STX8: variants seen among roughly 807,000 people sequenced by gnomAD.
STX8 encodes the protein syntaxin-8.
STX8 carries 23 observed loss-of-function variants against 37.5 expected under a neutral mutation model. That is an observed-to-expected ratio of 0.61 (90% CI 0.44 to 0.87). STX8 has a LOEUF of 0.87. Ranked by LOEUF, STX8 falls within the 40% of genes least tolerant of loss-of-function variation. STX8 has a pLI of 0.00. For missense variants in STX8, 313 were observed against 284.7 expected (o/e 1.10, Z -0.71); for synonymous variants, 115 against 99.1 (o/e 1.16, Z -0.95).
chr17:9,381,620 A>AT (rs1555603423), intron 6 of STX8, among the ~76,000 whole-genome samples: 1 of 152,202 alleles, frequency 6.6e-6, no homozygotes. Context: ...ATTCATCCTT[A>AT]TACCTCCCAC....
At chr17:9,409,079 C>A (rs1697302037) in intron 6 of STX8, among the ~76,000 whole-genome samples, 1 of 152,008 alleles carries the variant, frequency 6.6e-6, no homozygotes, top group Admixed American at 6.6e-5. Context: ...ACTGCCCAAC[C>A]CCCTGCCCCC....
intron 6 of STX8, among the ~76,000 whole-genome samples, chr17:9,475,651 G>C (rs1364719223): frequency 6.6e-6 from 1 of 152,198 alleles, no homozygotes; most frequent in Non-Finnish European, 1.5e-5. Flanking sequence ...GAGCCTCTAG[G>C]ATAGACACAG....
chr17:9,556,180 G>C (rs1028938685), intron 3 of STX8, among the ~76,000 whole-genome samples: 6 of 152,092 alleles, frequency 3.9e-5, no homozygotes, highest in African/African-American at 4.8e-5. Flanking sequence ...TGTTACAATG[G>C]GGGAAAATAT....
At chr17:9,276,857 C>T (rs12940941) in intron 7 of STX8, among the ~76,000 whole-genome samples, 12,942 of 151,728 alleles carry the variant, frequency 0.085, 584 homozygotes, top group East Asian at 0.16. Context: ...AGGCTGGTCT[C>T]GAACTCCTGA....
intron 7 of STX8, among the ~76,000 whole-genome samples, chr17:9,275,258 C>G (rs1180362078): frequency 6.6e-6 from 1 of 152,162 alleles, no homozygotes. Context: ...TCACTCCAAG[C>G]GTCCATGGGA....
intron 7 of STX8, among the ~76,000 whole-genome samples, chr17:9,367,174 T>C (rs991027104): frequency 1.7e-5 from 2 of 119,056 alleles, no homozygotes; most frequent in Non-Finnish European, 3.1e-5. Flanking sequence ...TTTTTTTTGT[T>C]TTTTTTTTTT....
chr17:9,448,647 A>T (rs1467707202), intron 6 of STX8, among the ~76,000 whole-genome samples: 1 of 152,206 alleles, frequency 6.6e-6, no homozygotes, highest in East Asian at 1.9e-4. Flanking sequence ...ATATAAAATA[A>T]TATGTCCTTA....
chr17:9,543,172 A>G (rs1906350539), intron 4 of STX8, among the ~76,000 whole-genome samples: 1 of 152,168 alleles, frequency 6.6e-6, no homozygotes, highest in Non-Finnish European at 1.5e-5. Context: ...CTTTCTGACC[A>G]TCATCTGTCT....
At chr17:9,326,412 G>A (rs1909754947) in intron 7 of STX8, among the ~76,000 whole-genome samples, 1 of 152,160 alleles carries the variant, frequency 6.6e-6, no homozygotes, top group Non-Finnish European at 1.5e-5. Flanking sequence ...GTGAGCCACT[G>A]TGCCCAGCTT....
intron 7 of STX8, among the ~76,000 whole-genome samples, chr17:9,282,819 A>G (rs1392593709): frequency 6.6e-6 from 1 of 152,242 alleles, no homozygotes; most frequent in Non-Finnish European, 1.5e-5. Context: ...AGCCTAAAGA[A>G]AATTTCTGAG....
intron 7 of STX8, among the ~76,000 whole-genome samples, chr17:9,329,870 G>A (rs79914388): frequency 0.053 from 8,095 of 152,200 alleles, 706 homozygotes; most frequent in African/African-American, 0.18. Flanking sequence ...GTTGGATCCT[G>A]TAAGGGCAAT....
chr17:9,264,950 C>T (rs1243251421), intron 7 of STX8, among the ~76,000 whole-genome samples: 1 of 150,482 alleles, frequency 6.6e-6, no homozygotes, highest in African/African-American at 2.4e-5. Flanking sequence ...CTCATCTCTA[C>T]AAAAAAAATA....
chr17:9,491,706 T>G (rs1392138412), intron 6 of STX8, 123 bp downstream of exon 6: 15 of 803,474 alleles, frequency 1.9e-5, no homozygotes, highest in Non-Finnish European at 2.6e-5. Context: ...TGCGTTAAAC[T>G]GTAACAATCA....
intron 4 of STX8, among the ~76,000 whole-genome samples, chr17:9,544,467 C>A (rs1174214551): frequency 6.6e-6 from 1 of 151,952 alleles, no homozygotes; most frequent in South Asian, 2.1e-4. Flanking sequence ...AGCCCCGGAC[C>A]AGTCTTATTA....
chr17:9,468,054 AAC>A (rs1397431073), intron 6 of STX8, among the ~76,000 whole-genome samples: 4 of 152,218 alleles, frequency 2.6e-5, no homozygotes, highest in African/African-American at 9.7e-5. Flanking sequence ...TTTTAAATGT[AAC>A]ACAGCTATGG....
intron 7 of STX8, among the ~76,000 whole-genome samples, chr17:9,361,730 CTG>C (rs1423796740): frequency 3.9e-5 from 6 of 152,196 alleles, no homozygotes; most frequent in African/African-American, 1.4e-4. Context: ...GAAAGCAAAA[CTG>C]TGTCTCATTC....
intron 6 of STX8, among the ~76,000 whole-genome samples, chr17:9,411,646 A>C (rs920066567): frequency 1.3e-5 from 2 of 152,246 alleles, no homozygotes; most frequent in Non-Finnish European, 2.9e-5. Flanking sequence ...TATACATAAC[A>C]GGATCGTTTC....
chr17:9,510,469 A>G (rs933321454), intron 4 of STX8, among the ~76,000 whole-genome samples: 8 of 152,164 alleles, frequency 5.3e-5, no homozygotes, highest in African/African-American at 1.9e-4. Context: ...CATGAGGAAC[A>G]TGCAAAATGA....
intron 7 of STX8, among the ~76,000 whole-genome samples, chr17:9,316,818 CAG>C (rs1167676030): frequency 6.6e-6 from 1 of 152,130 alleles, no homozygotes; most frequent in Non-Finnish European, 1.5e-5. Flanking sequence ...AAGTAGGGGA[CAG>C]TCTTAGGGGC....
Sources: gnomAD v4.1 joint callset for allele counts (sites outside exome capture counted in the v4.1 genomes callset) on GRCh38, gnomAD v4.1.1 for gene constraint, MANE v1.5 for transcripts, NCBI Gene and HGNC (gene_info 2026-07-23, HGNC 2026-07-21) for gene names.